The following NECTIN3 variants were observed in gnomAD, a reference collection of about 807,000 sequenced individuals.
NECTIN3 encodes the protein nectin cell adhesion molecule 3, also known as nectin-3.
Under a neutral mutation model 49.4 loss-of-function variants are expected in NECTIN3, and 8 were observed. The observed-to-expected ratio is 0.16, with a 90% CI of 0.10 to 0.29. The LOEUF is 0.29. NECTIN3 is among the 10% of genes least tolerant of loss of function. The probability of loss-of-function intolerance (pLI) is 1.00; values close to 1 mark genes in which losing one functional copy is unlikely to be tolerated. For missense variants in NECTIN3, 581 were observed against 654.6 expected (o/e 0.89, Z 1.23); for synonymous variants, 277 against 241.1 (o/e 1.15, Z -1.38).
intron 2 of NECTIN3, among the ~76,000 whole-genome samples, chr3:111,113,639 A>G (rs1381241946): frequency 6.6e-6 from 1 of 152,168 alleles, no homozygotes. Flanking sequence ...AAATTTTCTG[A>G]TTAGAAGGCA....
intron 1 of NECTIN3, among the ~76,000 whole-genome samples, chr3:111,098,346 T>C (rs1295967028): frequency 2.0e-5 from 3 of 152,214 alleles, no homozygotes; most frequent in Non-Finnish European, 4.4e-5. Context: ...TCTCACACAG[T>C]TCTGGAGCGC....
chr3:111,172,291 T>C (rs1185092773), intron 7 of NECTIN3, among the ~76,000 whole-genome samples: 1 of 152,176 alleles, frequency 6.6e-6, no homozygotes, highest in Non-Finnish European at 1.5e-5. Flanking sequence ...ACACATCATA[T>C]ATTGTTCTGG....
intron 1 of NECTIN3, chr3:111,192,433 G>T: frequency 3.3e-6 from 5 of 1,525,916 alleles, no homozygotes; most frequent in Non-Finnish European, 3.5e-6. Context: ...TGTGTTGTCG[G>T]TATCAGCCCA....
chr3:111,174,203 C>G (rs543082765), intron 7 of NECTIN3, among the ~76,000 whole-genome samples: 1 of 152,206 alleles, frequency 6.6e-6, no homozygotes, highest in Non-Finnish European at 1.5e-5. Flanking sequence ...GTTGATTGCT[C>G]TAGCCTCTGA....
chr3:111,072,278 G>T, intron 1 of NECTIN3, 101 bp downstream of exon 1: 1 of 1,457,004 alleles, frequency 6.9e-7, no homozygotes, highest in East Asian at 2.6e-5. Flanking sequence ...CAGCGAGGCG[G>T]TTGGTTGTGC....
chr3:111,173,018 C>T (rs1227532937), intron 7 of NECTIN3, among the ~76,000 whole-genome samples: 2 of 152,168 alleles, frequency 1.3e-5, no homozygotes, highest in Non-Finnish European at 2.9e-5. Flanking sequence ...CATACAAATG[C>T]CACATTCATT....
chr3:111,147,332 C>A, intron 6 of NECTIN3: 5 of 1,183,250 alleles, frequency 4.2e-6, no homozygotes, highest in South Asian at 2.9e-5. Flanking sequence ...CTTATGAGAA[C>A]CTTGATTTTC....
intron 5 of NECTIN3, among the ~76,000 whole-genome samples, chr3:111,129,396 G>A (rs55774570): frequency 0.27 from 41,491 of 151,742 alleles, 11,268 homozygotes; most frequent in African/African-American, 0.7. Context: ...CCCTCAGAAC[G>A]TAAGTCTAAA....
At chr3:111,085,046 C>G (rs953630027) in intron 1 of NECTIN3, among the ~76,000 whole-genome samples, 1 of 152,164 alleles carries the variant, frequency 6.6e-6, no homozygotes, top group Non-Finnish European at 1.5e-5. Flanking sequence ...TTTAGTGTTT[C>G]TTGGCCTACT....
downstream of NECTIN3, among the ~76,000 whole-genome samples, chr3:111,140,505 G>GT (rs34068019): frequency 0.17 from 26,080 of 151,394 alleles, 4,980 homozygotes; most frequent in African/African-American, 0.47. Flanking sequence ...CTTATGTGGG[G>GT]TTTTTTTGCC....
At chr3:111,116,215 T>C (rs915388179) in intron 2 of NECTIN3, among the ~76,000 whole-genome samples, 13 of 152,274 alleles carry the variant, frequency 8.5e-5, no homozygotes, top group South Asian at 4.1e-4. Flanking sequence ...GAGAGAGTTA[T>C]AAGAAGAACT....
At chr3:111,181,295 A>G (rs2107532528) in intron 7 of NECTIN3, among the ~76,000 whole-genome samples, 1 of 152,352 alleles carries the variant, frequency 6.6e-6, no homozygotes, top group East Asian at 1.9e-4. Flanking sequence ...TTGCATGAAT[A>G]AACTTTGTTT....
intron 7 of NECTIN3, among the ~76,000 whole-genome samples, chr3:111,156,924 A>G (rs1222578061): frequency 6.6e-6 from 1 of 152,150 alleles, no homozygotes; most frequent in African/African-American, 2.4e-5. Flanking sequence ...ATTTATTGGT[A>G]TATGTTAATT....
At chr3:111,103,907 G>C (rs1006136667) in intron 1 of NECTIN3, among the ~76,000 whole-genome samples, 1 of 152,030 alleles carries the variant, frequency 6.6e-6, no homozygotes, top group Non-Finnish European at 1.5e-5. Flanking sequence ...ATATTCATTC[G>C]TCTCTTGATG....
rs556657964 is a variant in NECTIN3, at chr3:111,147,178, T to G, written c.1140-225T>G. On this transcript the variant is annotated intron_variant, in intron 6 of 8. Transcript: ENST00000493615. ...ATTTTAATTCCTTCTTTAAATGTGA[T>G]TGGTTCTCCATATGGCAACCTTTAA... Among the ~76,000 whole-genome samples the G allele has an allele frequency of 1.8e-4, 28 of 152,352 alleles. No individual in the cohort carries two copies. In the South Asian group the frequency reaches 5.6e-3, roughly 30 times the overall value.
chr3:111,178,967 A>G (rs2035580597), intron 7 of NECTIN3, among the ~76,000 whole-genome samples: 1 of 152,240 alleles, frequency 6.6e-6, no homozygotes, highest in Non-Finnish European at 1.5e-5. Flanking sequence ...TAACCAAAGC[A>G]TCTTAAACAG....
At chr3:111,089,406 CGT>C (rs139575444) in intron 1 of NECTIN3, among the ~76,000 whole-genome samples, 2,243 of 146,736 alleles carry the variant, frequency 0.015, 31 homozygotes, top group African/African-American at 0.039. Flanking sequence ...CAGCCTTTCT[CGT>C]GTGTGTGTGT....
intron 1 of NECTIN3, among the ~76,000 whole-genome samples, chr3:111,081,966 G>A (rs1286182619): frequency 3.9e-5 from 6 of 152,206 alleles, no homozygotes; most frequent in Non-Finnish European, 4.4e-5. Flanking sequence ...TGGCAGAAAT[G>A]TAAAAAATAT....
intron 5 of NECTIN3, among the ~76,000 whole-genome samples, chr3:111,129,645 A>G (rs927912040): frequency 2.6e-5 from 4 of 151,424 alleles, no homozygotes; most frequent in Non-Finnish European, 5.9e-5. Flanking sequence ...GTGGCGTTAT[A>G]TGAGATAATT....
Sources: gnomAD v4.1 joint callset for allele counts (sites outside exome capture counted in the v4.1 genomes callset) on GRCh38, gnomAD v4.1.1 for gene constraint, MANE v1.5 for transcripts, NCBI Gene and HGNC (gene_info 2026-07-23, HGNC 2026-07-21) for gene names.